Variants in MGA observed in about 807,000 individuals in gnomAD.
MGA encodes the protein MAX dimerization protein MGA.
MGA carries 40 observed loss-of-function variants against 261.1 expected under a neutral mutation model. The observed-to-expected ratio is 0.15, with a 90% CI of 0.12 to 0.20. The LOEUF is 0.20. Ranked by LOEUF, MGA falls within the 10% of genes least tolerant of loss-of-function variation. The pLI, the probability that MGA is intolerant of heterozygous loss-of-function variation, is 1.00. For synonymous variants in MGA, 1,302 were observed against 1,290.6 expected (o/e 1.01, Z -0.19); for missense variants, 3,397 against 3,630.5 (o/e 0.94, Z 1.65).
At chr15:41,703,381 C>T (rs1241937076) in intron 5 of MGA, among the ~76,000 whole-genome samples, 4 of 130,746 alleles carry the variant, frequency 3.1e-5, no homozygotes, top group Non-Finnish European at 5.0e-5. Context: ...CCCCCCCCCA[C>T]TCCCCACCCT....
In MGA at chr15:41,708,230, T is replaced by A. The variant is rs781291473; in HGVS notation, c.2425+22T>A. 2.2e-5 allele frequency: 33 copies of A among 1,488,602 alleles called. No homozygotes were observed. The East Asian group carries it at 8.0e-4, about 36-fold the overall frequency. The allele number at this position is 1,488,602 out of a possible 1,614,324, so 92.2% of individuals were successfully genotyped here. A position where few individuals can be genotyped will look rare whatever the true frequency, so the allele number is the denominator to read the frequency against. On this transcript the variant is annotated intron_variant, in intron 7 of 23. Transcript: ENST00000219905. ...GAAGGTAATTAGTTTTTTAAAATTT[T>A]TTAAATGTTCTGAAACATGTAGCCA... is the stretch of plus-strand genomic sequence containing the variant.
At chr15:41,710,575 G>C (rs753825736) in intron 7 of MGA, 116 bp from the exon 8 acceptor site, 1 of 1,071,486 alleles carries the variant, frequency 9.3e-7, no homozygotes, top group Non-Finnish European at 1.3e-6. Flanking sequence ...CTAAGGGATA[G>C]TTTAGAAGAT....
Position 41,764,872 on chromosome 15 carries a change from G to T in MGA, c.7745-14G>T, listed in dbSNP as rs758867463. On this transcript the variant is annotated splice_polypyrimidine_tract_variant and intron_variant, in intron 22 of 23. Coordinates refer to ENST00000219905, the MANE Select transcript of MGA (RefSeq NM_001164273.2). Reference sequence around the variant, plus strand: ...TGCCTTTTATCTATAACTAATTTCTGATCTTTCTTACAGAAAATACCTCAC... The same window carrying T: ...TGCCTTTTATCTATAACTAATTTCTTATCTTTCTTACAGAAAATACCTCAC... 6.2e-6 allele frequency: 10 copies of T among 1,613,022 alleles called. No homozygotes were observed. The South Asian group carries it at 9.9e-5, about 16-fold the overall frequency.
intron 15 of MGA, among the ~76,000 whole-genome samples, chr15:41,746,418 G>T (rs1055703893): frequency 2.0e-5 from 3 of 151,934 alleles, no homozygotes; most frequent in African/African-American, 7.3e-5. Context: ...GTGGTTGCAT[G>T]CCTGTAATCC....
intron 1 of MGA, among the ~76,000 whole-genome samples, chr15:41,637,766 G>A (rs115752583): frequency 0.047 from 7,188 of 151,450 alleles, 363 homozygotes; most frequent in African/African-American, 0.12. Flanking sequence ...TTTTTTTGAG[G>A]CAGAGTCTTG....
intron 3 of MGA, among the ~76,000 whole-genome samples, chr15:41,697,861 G>A (rs1356089932): frequency 6.6e-6 from 1 of 151,934 alleles, no homozygotes. Context: ...TTTTATAGAA[G>A]CCCAGTCTTT....
intron 5 of MGA, among the ~76,000 whole-genome samples, chr15:41,699,538 G>A (rs1031495949): frequency 5.9e-5 from 9 of 152,190 alleles, no homozygotes; most frequent in Admixed American, 5.2e-4. Context: ...TCGCTCTGTC[G>A]CCCAGGCGGC....
At chr15:41,755,513 C>G (rs1395059229) in intron 18 of MGA, among the ~76,000 whole-genome samples, 1 of 152,144 alleles carries the variant, frequency 6.6e-6, no homozygotes, top group African/African-American at 2.4e-5. Flanking sequence ...AACAAAAACT[C>G]TAAAAAATAT....
At chr15:41,627,849 A>C (rs902691437) in intron 1 of MGA, among the ~76,000 whole-genome samples, 1 of 152,224 alleles carries the variant, frequency 6.6e-6, no homozygotes, top group African/African-American at 2.4e-5. Context: ...ACATTCTGGT[A>C]ATCAAGAATT....
chr15:41,704,625 T>G (rs2060015193), intron 5 of MGA, among the ~76,000 whole-genome samples: 1 of 152,152 alleles, frequency 6.6e-6, no homozygotes, highest in Non-Finnish European at 1.5e-5. Context: ...GCCACTGCAC[T>G]CCAGCCTGGG....
At chr15:41,760,189 G>A in intron 19 of MGA, 134 bp from the exon 20 acceptor site, 3 of 749,242 alleles carry the variant, frequency 4.0e-6, no homozygotes. Flanking sequence ...GTAGTAAGAT[G>A]ACCAATTGAG....
intron 1 of MGA, among the ~76,000 whole-genome samples, chr15:41,652,536 A>AT (rs565376449): frequency 0.018 from 2,503 of 136,422 alleles, 57 homozygotes; most frequent in African/African-American, 0.051. Flanking sequence ...AGCTAATTAA[A>AT]TTTTTTTTTT....
chr15:41,702,925 C>T (rs543398736), intron 5 of MGA, among the ~76,000 whole-genome samples: 48 of 112,956 alleles, frequency 4.2e-4, no homozygotes, highest in African/African-American at 1.3e-3. Context: ...GAACACAGTG[C>T]AGAGAATACC....
In MGA at chr15:41,757,856, T is replaced by C. The variant is rs779694005; in HGVS notation, c.7191+17T>C. ...AGTCGAAAGGTATTTAGGATATATT[T>C]AGTGATAATTACTCATTGAATAAAA... On this transcript the variant is annotated intron_variant, in intron 19 of 23. Coordinates refer to ENST00000219905, the MANE Select transcript of MGA (RefSeq NM_001164273.2). 30 of 1,574,692 alleles carry C rather than the reference T, an allele frequency of 1.9e-5. No homozygotes were observed. Among genetic ancestry groups the C allele is most frequent in the Non-Finnish European group, 2.5e-5 (29 of 1,145,990 alleles).
intron 12 of MGA, 46 bp downstream of exon 12, chr15:41,734,640 G>GGGCCGGGCGCGGTGGCTCACGCCTGTAA: frequency 7.2e-7 from 1 of 1,393,258 alleles, no homozygotes; most frequent in Non-Finnish European, 9.9e-7. Flanking sequence ...AATTATTTAG[G>GGGCCGGGCGCGGTGGCTCACGCCTGTAA]TCTAGATTAT....
chr15:41,757,879 A>G, intron 19 of MGA, 40 bp downstream of exon 19: 3 of 1,507,736 alleles, frequency 2.0e-6, no homozygotes, highest in South Asian at 2.3e-5. Context: ...TCATTGAATA[A>G]AATTGTTAAC....
intron 12 of MGA, among the ~76,000 whole-genome samples, chr15:41,735,471 C>G (rs761469584): frequency 1.3e-5 from 2 of 152,188 alleles, no homozygotes; most frequent in African/African-American, 4.8e-5. Context: ...GGCGCAGTGG[C>G]TCACGCCTGT....
At position 41,699,123 on chromosome 15, in the gene MGA, C is replaced by A. The variant is rs866675327; in HGVS notation, c.2152C>A (p.Arg718=). 1 of 1,611,288 alleles carries A rather than the reference C, an allele frequency of 6.2e-7. No individual in the cohort carries two copies. The highest frequency in any genetic ancestry group is 8.5e-7 in the Non-Finnish European group (1 of 1,178,696). ...ATTGATAGAAGATTTGAAGACTTTG[C>A]GGCACAAGCAGGTGATACATCCTGG... The change falls in exon 5 of 24, where the codon CGG becomes AGG. Residue 718 remains arginine (R), a synonymous_variant. Transcript: ENST00000219905.
intron 5 of MGA, among the ~76,000 whole-genome samples, chr15:41,701,256 T>G (rs2059838285): frequency 2.6e-5 from 4 of 152,124 alleles, no homozygotes; most frequent in Admixed American, 2.6e-4. Context: ...CCATTTTTTT[T>G]GTTATTTTCT....
Sources: allele counts gnomAD v4.1 joint callset (sites outside exome capture counted in the v4.1 genomes callset), GRCh38; gene constraint gnomAD v4.1.1; transcripts MANE v1.5; gene names NCBI Gene and HGNC (gene_info 2026-07-23, HGNC 2026-07-21).